The following TRDN variants were observed in gnomAD, a reference collection of about 807,000 sequenced individuals.
The protein encoded by TRDN is triadin.
TRDN carries 161 observed loss-of-function variants against 149.7 expected under a neutral mutation model. The ratio of observed to expected loss-of-function variants is 1.08; its 90% CI spans 0.95 to 1.23. TRDN has a LOEUF of 1.23. Ranked by LOEUF, TRDN falls within the 50% of genes most tolerant of loss-of-function variation. TRDN has a pLI of 0.00. For synonymous variants in TRDN, 294 were observed against 250.5 expected (o/e 1.17, Z -1.64); for missense variants, 896 against 823.5 (o/e 1.09, Z -1.08).
chr6:123,508,452 G>C (rs1384326581), intron 7 of TRDN, among the ~76,000 whole-genome samples: 1 of 152,156 alleles, frequency 6.6e-6, no homozygotes, highest in African/African-American at 2.4e-5. Context: ...GACCAAGGCA[G>C]CAATAACCTC....
rs6901953 is a variant in TRDN, at chr6:123,377,897, T to C, written c.1188A>G (p.Lys396=). The C allele has an allele frequency of 0.35, 520,610 of 1,470,594 alleles. 95,898 individuals are homozygous for C. Among genetic ancestry groups the C allele is most frequent in the Admixed American group, 0.41 (20,470 of 49,960 alleles). The allele number at this position is 1,470,594 out of a possible 1,614,324, so 91.1% of individuals were successfully genotyped here. A position where few individuals can be genotyped will look rare whatever the true frequency, so the allele number is the denominator to read the frequency against. The change falls in exon 17 of 41, where the codon AAA becomes AAG. Residue 396 remains lysine (K), a splice_region_variant and synonymous_variant. Coordinates refer to ENST00000334268, the MANE Select transcript of TRDN (RefSeq NM_006073.4). ...CCACATGTTTTTCTTTCTTTTCCTG[T>C]TCTGAAACATATTATTATTGTTATT... ...PAEVEQPKGK[K]QEKKEKHVEP...
chr6:123,481,882 C>T (rs1777765538), intron 9 of TRDN, among the ~76,000 whole-genome samples: 1 of 152,130 alleles, frequency 6.6e-6, no homozygotes. Context: ...TTTTTAAAAG[C>T]TATCACATGG....
chr6:123,617,108 T>A (rs1224449954), intron 1 of TRDN, among the ~76,000 whole-genome samples: 2 of 152,160 alleles, frequency 1.3e-5, no homozygotes, highest in Non-Finnish European at 2.9e-5. Context: ...CTGATTTTTT[T>A]TAACCACAGC....
intron 39 of TRDN, among the ~76,000 whole-genome samples, chr6:123,222,091 C>A (rs999444852): frequency 6.6e-6 from 1 of 151,640 alleles, no homozygotes; most frequent in African/African-American, 2.4e-5. Flanking sequence ...GAAACTATTT[C>A]TTTGAATCCC....
intron 12 of TRDN, among the ~76,000 whole-genome samples, chr6:123,425,200 A>G (rs1159023034): frequency 6.6e-6 from 1 of 151,472 alleles, no homozygotes; most frequent in Non-Finnish European, 1.5e-5. Flanking sequence ...TAAGAGGAAA[A>G]TACTGAGCAT....
In TRDN at chr6:123,433,182, T is replaced by TATATATATAC. The variant is rs1562310492; in HGVS notation, c.1051+4880_1051+4881insGTATATATAT. On this transcript the variant is annotated intron_variant, in intron 12 of 40. Transcript: ENST00000334268. ...TATATAATATATATATATATATATA[T>TATATATATAC]ACATCACACAATGATCCAGCAATCA... Among the ~76,000 whole-genome samples the TATATATATAC allele has an allele frequency of 6.4e-4, 92 of 143,324 alleles. 2 individuals are homozygous for TATATATATAC. The highest frequency in any genetic ancestry group is 2.2e-3 in the African/African-American group (84 of 38,170). 94.0% of individuals were successfully genotyped at this position (143,324 alleles called of 152,430 possible).
At chr6:123,234,116 A>G (rs1775704965) in intron 38 of TRDN, among the ~76,000 whole-genome samples, 1 of 152,118 alleles carries the variant, frequency 6.6e-6, no homozygotes, top group Non-Finnish European at 1.5e-5. Flanking sequence ...GATGGGAACC[A>G]GTACTTCTGA....
intron 24 of TRDN, among the ~76,000 whole-genome samples, chr6:123,294,196 G>C (rs1778109342): frequency 6.6e-6 from 1 of 152,128 alleles, no homozygotes; most frequent in Non-Finnish European, 1.5e-5. Flanking sequence ...TGGACAAGTT[G>C]AGATTAACAT....
intron 12 of TRDN, among the ~76,000 whole-genome samples, chr6:123,431,972 A>G (rs1774356059): frequency 6.6e-6 from 1 of 152,178 alleles, no homozygotes; most frequent in African/African-American, 2.4e-5. Context: ...CAAATAGCCA[A>G]AGGTTTTAGT....
chr6:123,278,036 T>C (rs1466115004), intron 26 of TRDN, among the ~76,000 whole-genome samples: 4 of 152,192 alleles, frequency 2.6e-5, no homozygotes, highest in Non-Finnish European at 4.4e-5. Context: ...GTCTGTGTCC[T>C]ACAATAATCA....
At chr6:123,585,710 C>A (rs1047689083) in intron 1 of TRDN, among the ~76,000 whole-genome samples, 1 of 152,024 alleles carries the variant, frequency 6.6e-6, no homozygotes, top group Non-Finnish European at 1.5e-5. Context: ...TCCTGGGCTG[C>A]AGGCATTCCT....
intron 1 of TRDN, among the ~76,000 whole-genome samples, chr6:123,632,822 C>T (rs1786077854): frequency 6.6e-6 from 1 of 151,682 alleles, no homozygotes; most frequent in South Asian, 2.1e-4. Context: ...ACTTGTTTGC[C>T]TAGTTGTTAA....
chr6:123,521,755 C>G (rs1779693464), intron 5 of TRDN, among the ~76,000 whole-genome samples: 1 of 152,040 alleles, frequency 6.6e-6, no homozygotes, highest in South Asian at 2.1e-4. Context: ...CACACCTGAA[C>G]CAAAAACCAC....
intron 1 of TRDN, among the ~76,000 whole-genome samples, chr6:123,625,171 T>C (rs1449125575): frequency 1.3e-5 from 2 of 151,978 alleles, no homozygotes; most frequent in African/African-American, 4.8e-5. Flanking sequence ...GCACTGCGAA[T>C]TACCAGTGTT....
At chr6:123,583,057 G>T (rs1487352199) in intron 1 of TRDN, among the ~76,000 whole-genome samples, 1 of 152,192 alleles carries the variant, frequency 6.6e-6, no homozygotes, top group Non-Finnish European at 1.5e-5. Context: ...AAAGGTCTAA[G>T]AATTGGGATG....
At chr6:123,510,583 G>T (rs12528126) in intron 7 of TRDN, among the ~76,000 whole-genome samples, 42,027 of 151,046 alleles carry the variant, frequency 0.28, 6,487 homozygotes, top group East Asian at 0.63. Flanking sequence ...TATTATTATG[G>T]TACTTTCAGT....
At chr6:123,464,870 A>G in intron 10 of TRDN, 36 bp downstream of exon 10, 1 of 1,552,944 alleles carries the variant, frequency 6.4e-7, no homozygotes. Context: ...TATTTTATCT[A>G]CAATAGAGAT....
chr6:123,605,270 ATATT>A (rs1287912161), intron 1 of TRDN, among the ~76,000 whole-genome samples: 6 of 148,042 alleles, frequency 4.1e-5, no homozygotes, highest in Non-Finnish European at 5.9e-5. Context: ...ATATAAATAT[ATATT>A]TATATATAAT....
chr6:123,449,297 GC>G (rs1775619951), intron 10 of TRDN, among the ~76,000 whole-genome samples: 1 of 152,110 alleles, frequency 6.6e-6, no homozygotes, highest in Non-Finnish European at 1.5e-5. Flanking sequence ...GAAAGGTGAA[GC>G]CCAGTGCAAG....
Sources: gnomAD v4.1 joint callset for allele counts (sites outside exome capture counted in the v4.1 genomes callset) on GRCh38, gnomAD v4.1.1 for gene constraint, MANE v1.5 for transcripts, NCBI Gene and HGNC (gene_info 2026-07-23, HGNC 2026-07-21) for gene names.